KHDRBS2: variants seen among roughly 807,000 people sequenced by gnomAD.
KHDRBS2 encodes KH RNA binding domain containing, signal transduction associated 2, also known as KH domain-containing, RNA-binding, signal transduction-associated protein 2.
A neutral mutation model predicts 44.3 loss-of-function variants in KHDRBS2; 26 were observed. That is an observed-to-expected ratio of 0.59 (90% CI 0.43 to 0.81). KHDRBS2 has a LOEUF of 0.81. KHDRBS2 is among the 40% of genes least tolerant of loss of function. KHDRBS2 has a pLI of 0.00. For synonymous variants in KHDRBS2, 194 were observed against 151.1 expected, an observed-to-expected ratio of 1.28 and a Z score of -2.08; for missense variants, 476 against 433.1, an observed-to-expected ratio of 1.10 and a Z score of -0.88.
intron 6 of KHDRBS2, among the ~76,000 whole-genome samples, chr6:61,875,103 A>C (rs1325890472): frequency 6.6e-6 from 1 of 151,928 alleles, no homozygotes; most frequent in Non-Finnish European, 1.5e-5. Context: ...TGGTAATGTG[A>C]ATTTTGATTT....
At chr6:62,114,915 A>G (rs906891334) in intron 2 of KHDRBS2, among the ~76,000 whole-genome samples, 3 of 152,158 alleles carry the variant, frequency 2.0e-5, no homozygotes, top group Non-Finnish European at 2.9e-5. Flanking sequence ...AACTCTCACT[A>G]TTGAGAAAAC....
chr6:61,602,935 C>A, the KHDRBS2 span, among the ~76,000 whole-genome samples: 1 of 152,104 alleles, frequency 6.6e-6, no homozygotes, highest in Non-Finnish European at 1.5e-5. Context: ...TCATTGCCAC[C>A]TTTCCCCCCA....
intron 1 of KHDRBS2, among the ~76,000 whole-genome samples, chr6:62,216,663 G>A (rs1830022399): frequency 6.7e-6 from 1 of 148,864 alleles, no homozygotes; most frequent in African/African-American, 2.5e-5. Context: ...TGATCCACCT[G>A]CTTCAAATAA....
chr6:62,206,366 G>T (rs566629543), intron 1 of KHDRBS2, among the ~76,000 whole-genome samples: 151 of 152,020 alleles, frequency 9.9e-4, no homozygotes, highest in Non-Finnish European at 1.7e-3. Flanking sequence ...TTGGTAAAAA[G>T]AAACTGAAAC....
At chr6:61,559,855 A>T in the KHDRBS2 span, among the ~76,000 whole-genome samples, 3 of 152,152 alleles carry the variant, frequency 2.0e-5, no homozygotes, top group African/African-American at 7.2e-5. Flanking sequence ...ACATACCACA[A>T]TTTCAATGTT....
At chr6:61,561,204 C>CT in the KHDRBS2 span, among the ~76,000 whole-genome samples, 2 of 151,926 alleles carry the variant, frequency 1.3e-5, no homozygotes, top group Non-Finnish European at 2.9e-5. Context: ...TCTCTCTCTC[C>CT]TTCTCTGTTT....
At chr6:62,202,898 G>A (rs960959044) in intron 1 of KHDRBS2, among the ~76,000 whole-genome samples, 16 of 152,130 alleles carry the variant, frequency 1.1e-4, no homozygotes, top group Non-Finnish European at 1.9e-4. Context: ...AAAACAGCAT[G>A]TGTGATCAGC....
chr6:62,046,698 G>C (rs2127305647), intron 3 of KHDRBS2, among the ~76,000 whole-genome samples: 1 of 151,996 alleles, frequency 6.6e-6, no homozygotes, highest in East Asian at 1.9e-4. Context: ...CTCATGTCTA[G>C]ATGCTGGTGT....
chr6:61,924,309 C>A (rs1464780446), intron 4 of KHDRBS2, among the ~76,000 whole-genome samples: 2 of 151,936 alleles, frequency 1.3e-5, no homozygotes, highest in African/African-American at 4.8e-5. Flanking sequence ...ATGGTAATAG[C>A]TAGGAGGAAG....
At chr6:61,774,265 C>T (rs1325813100) in intron 6 of KHDRBS2, among the ~76,000 whole-genome samples, 1 of 152,132 alleles carries the variant, frequency 6.6e-6, no homozygotes, top group Non-Finnish European at 1.5e-5. Context: ...ATTGATTCTT[C>T]CTACCCATGA....
chr6:62,056,191 G>T (rs1265322808), intron 2 of KHDRBS2, among the ~76,000 whole-genome samples: 1 of 151,266 alleles, frequency 6.6e-6, no homozygotes, highest in Non-Finnish European at 1.5e-5. Context: ...TGGTACAAAT[G>T]AATAAATAAA....
intron 7 of KHDRBS2, among the ~76,000 whole-genome samples, chr6:61,709,773 G>A (rs1453189369): frequency 6.6e-6 from 1 of 151,614 alleles, no homozygotes; most frequent in Non-Finnish European, 1.5e-5. Context: ...ACTGTTACAT[G>A]CTTTTGGTAC....
chr6:62,117,870 G>A (rs1188344830), intron 2 of KHDRBS2, among the ~76,000 whole-genome samples: 2 of 151,884 alleles, frequency 1.3e-5, no homozygotes, highest in East Asian at 1.9e-4. Context: ...CTGCCTCCTC[G>A]GTTTAAGTGA....
rs76378140 is a variant in KHDRBS2 at position 61,752,104 on chromosome 6, T to G, written c.811-19340A>C. On this transcript the variant is annotated intron_variant, in intron 6 of 8. Transcript: ENST00000281156. ...GGTACCAGGTATTAAAGCCTCAACATATGAATTTGTGGGAGGAAGACGCAA... is the reference window on the plus strand; with the variant it reads ...GGTACCAGGTATTAAAGCCTCAACAGATGAATTTGTGGGAGGAAGACGCAA... 5.8e-3 allele frequency among the ~76,000 whole-genome samples: 890 copies of G among 152,184 alleles called. 6 individuals are homozygous for G. Among genetic ancestry groups the G allele is most frequent in the Non-Finnish European group, 0.01 (698 of 67,976 alleles).
At chr6:61,578,452 G>A in the KHDRBS2 span, among the ~76,000 whole-genome samples, 1 of 152,148 alleles carries the variant, frequency 6.6e-6, no homozygotes, top group Non-Finnish European at 1.5e-5. Context: ...AATGAATTTT[G>A]CAAGTCTCTA....
chr6:62,240,670 GTGTATATATATATATATATATATATATA>G (rs1195982144), intron 1 of KHDRBS2, among the ~76,000 whole-genome samples: 1 of 62,512 alleles, frequency 1.6e-5, no homozygotes, highest in African/African-American at 5.3e-5. Context: ...GTATGTGTGT[GTGTATATATATATATATATATATATATA>G]TATATATATA....
intron 2 of KHDRBS2, among the ~76,000 whole-genome samples, chr6:62,065,885 C>T (rs1410115169): frequency 2.0e-5 from 3 of 151,750 alleles, no homozygotes; most frequent in East Asian, 2.0e-4. Flanking sequence ...AACACATACA[C>T]AATTCATGTA....
chr6:61,915,719 C>A (rs887341165), intron 4 of KHDRBS2, among the ~76,000 whole-genome samples: 3 of 152,042 alleles, frequency 2.0e-5, no homozygotes, highest in African/African-American at 7.2e-5. Flanking sequence ...AACAAACCCT[C>A]TCGAGGAGAA....
chr6:62,127,749 T>C (rs1809312854), intron 2 of KHDRBS2, among the ~76,000 whole-genome samples: 1 of 152,188 alleles, frequency 6.6e-6, no homozygotes, highest in Non-Finnish European at 1.5e-5. Context: ...GTAAGAAGGC[T>C]ATATTTGTCT....
Sources: gnomAD v4.1 joint callset for allele counts (sites outside exome capture counted in the v4.1 genomes callset) on GRCh38, gnomAD v4.1.1 for gene constraint, MANE v1.5 for transcripts, NCBI Gene and HGNC (gene_info 2026-07-23, HGNC 2026-07-21) for gene names.